Variants in CNNM1 observed in about 807,000 individuals in gnomAD.
The protein encoded by CNNM1 is metal transporter CNNM1.
CNNM1 carries 44 observed loss-of-function variants against 78.8 expected under a neutral mutation model. The ratio of observed to expected loss-of-function variants is 0.56; its 90% CI spans 0.44 to 0.72. The LOEUF (loss-of-function observed/expected upper bound fraction) is 0.72, where lower values mean the gene tolerates loss of function less well. CNNM1 is among the 30% of genes least tolerant of loss of function. CNNM1 has a pLI of 0.00. For missense variants in CNNM1, 1,101 were observed against 1,292.2 expected, an observed-to-expected ratio of 0.85 and a Z score of 2.27; for synonymous variants, 584 against 581.5, an observed-to-expected ratio of 1.00 and a Z score of -0.06.
Position 99,330,842 on chromosome 10 carries a change from C to T in CNNM1, c.1455C>T (p.Ala485=), listed in dbSNP as rs141409475. 6.2e-7 allele frequency: 1 copy of T among 1,614,182 alleles called. No homozygotes were observed. The change falls in exon 1 of 11, where the codon GCC becomes GCT. Residue 485 remains alanine (A), a synonymous_variant. Coordinates refer to ENST00000356713, the MANE Select transcript of CNNM1 (RefSeq NM_020348.3). Reference sequence around the variant, plus strand: ...ACATTTTATTTGTCAAGGACTTGGCCTTCGTGGACCCCGACGACTGCACCC... The same window carrying T: ...ACATTTTATTTGTCAAGGACTTGGCTTTCGTGGACCCCGACGACTGCACCC... ...IVDILFVKDL[A]FVDPDDCTPL... is the part of the protein sequence containing the mutation.
chr10:99,371,621 G>T (rs574142246), intron 6 of CNNM1, among the ~76,000 whole-genome samples: 1 of 152,238 alleles, frequency 6.6e-6, no homozygotes, highest in Non-Finnish European at 1.5e-5. Context: ...GCAAAATGTG[G>T]TAAGTGGAAA....
intron 1 of CNNM1, among the ~76,000 whole-genome samples, chr10:99,345,077 C>G (rs1375606918): frequency 6.6e-6 from 1 of 152,218 alleles, no homozygotes; most frequent in Non-Finnish European, 1.5e-5. Flanking sequence ...GGGGTTGTTC[C>G]TGGCTCCATC....
intron 6 of CNNM1, among the ~76,000 whole-genome samples, chr10:99,371,239 C>T (rs765963011): frequency 6.6e-5 from 10 of 152,128 alleles, no homozygotes; most frequent in Non-Finnish European, 1.2e-4. Flanking sequence ...TCTATTTGAG[C>T]CTTAGTTTGA....
chr10:99,329,868 C>A lies in CNNM1; in HGVS notation c.481C>A (p.Gln161Lys). The change falls in exon 1 of 11, where the codon CAG becomes AAG. Residue 161 changes from glutamine (Q) to lysine (K), a missense_variant. Physicochemically the swap from Gln to Lys is moderately conservative, Grantham distance 53. Around this residue, in one of 3 missense-constraint regions of CNNM1, gnomAD observed 476 missense variants for 484.5 expected, o/e 0.98. Coordinates refer to ENST00000356713, the MANE Select transcript of CNNM1 (RefSeq NM_020348.3). ...GGGCGTGGCAGGCTCGGCCCTGGTC[C>A]AGGTGCGAGTGCGGGAGCTGCGCAA... ...PGGVAGSALV[Q>K]VRVRELRKGE... 7.1e-7 allele frequency: 1 copy of A among 1,400,422 alleles called. No homozygotes were observed. The highest frequency in any genetic ancestry group is 1.6e-5 in the South Asian group (1 of 61,902). The allele number at this position is 1,400,422 out of a possible 1,614,324, so 86.7% of individuals were successfully genotyped here.
Position 99,392,637 on chromosome 10 carries a change from T to C in CNNM1, c.*1121T>C, listed in dbSNP as rs1428505935. ...GTTGGGGCAGGTGCAATTCCAAGCA[T>C]AACCACCAGATGGCAGAGTGACCGC... On this transcript the variant is annotated 3_prime_UTR_variant, in exon 11 of 11. Coordinates refer to ENST00000356713, the MANE Select transcript of CNNM1 (RefSeq NM_020348.3). The C allele has an allele frequency of 6.6e-6, 1 of 152,256 alleles. No individual in the cohort carries two copies. The highest frequency in any genetic ancestry group is 1.5e-5 in the Non-Finnish European group (1 of 68,078). 9.4% of individuals were successfully genotyped at this position (152,256 alleles called of 1,614,324 possible).
At chr10:99,350,340 A>G (rs931312131) in intron 1 of CNNM1, among the ~76,000 whole-genome samples, 2 of 152,226 alleles carry the variant, frequency 1.3e-5, no homozygotes, top group African/African-American at 4.8e-5. Context: ...TTAGTTCTCT[A>G]TTTCCAAGCA....
At chr10:99,380,530 C>G (rs537748325) in intron 7 of CNNM1, among the ~76,000 whole-genome samples, 1 of 152,136 alleles carries the variant, frequency 6.6e-6, no homozygotes, top group Non-Finnish European at 1.5e-5. Flanking sequence ...GTGGCTCACA[C>G]CTGTAATCCC....
intron 7 of CNNM1, among the ~76,000 whole-genome samples, chr10:99,383,889 G>A (rs751234127): frequency 3.3e-5 from 5 of 152,180 alleles, no homozygotes. Context: ...GTTACATGTG[G>A]CTGTTGAATG....
At chr10:99,351,742 G>A (rs540689064) in intron 1 of CNNM1, among the ~76,000 whole-genome samples, 4 of 152,190 alleles carry the variant, frequency 2.6e-5, no homozygotes, top group South Asian at 4.2e-4. Context: ...GTGGCAGACC[G>A]TTTTTACTCT....
intron 7 of CNNM1, among the ~76,000 whole-genome samples, chr10:99,377,850 A>G (rs2032022583): frequency 6.6e-6 from 1 of 152,070 alleles, no homozygotes; most frequent in African/African-American, 2.4e-5. Flanking sequence ...CAAAAGGCTC[A>G]TGGCCTCATA....
intron 6 of CNNM1, among the ~76,000 whole-genome samples, chr10:99,369,637 T>C (rs568372277): frequency 1.5e-4 from 23 of 152,286 alleles, no homozygotes; most frequent in African/African-American, 5.3e-4. Context: ...TCAAAAACCA[T>C]CTGGTCCTCA....
intron 10 of CNNM1, among the ~76,000 whole-genome samples, chr10:99,390,878 A>T (rs189797535): frequency 1.3e-5 from 2 of 152,374 alleles, no homozygotes; most frequent in Admixed American, 1.3e-4. Flanking sequence ...TGGTGGAGAG[A>T]ACAAGGTGAA....
intron 7 of CNNM1, among the ~76,000 whole-genome samples, chr10:99,385,877 T>G (rs541522330): frequency 6.6e-6 from 1 of 152,224 alleles, no homozygotes; most frequent in Admixed American, 6.5e-5. Flanking sequence ...AAGCCAAATC[T>G]AAATAACTAA....
rs1168098062 is a variant in CNNM1, at chr10:99,391,969, TG to T, written c.*455del. 6.3e-6 allele frequency: 1 copy of T among 158,592 alleles called. No individual in the cohort carries two copies. The highest frequency in any genetic ancestry group is 1.4e-5 in the Non-Finnish European group (1 of 71,562). 9.8% of individuals were successfully genotyped at this position (158,592 alleles called of 1,614,324 possible). On this transcript the variant is annotated 3_prime_UTR_variant, in exon 11 of 11. Coordinates refer to ENST00000356713, the MANE Select transcript of CNNM1 (RefSeq NM_020348.3). Reference sequence around the variant, plus strand: ...CATAGCTTGGCTCAGAAGGTGCCATTGGCAGACAGGCACATGGGAGGCTGGA... The same window carrying T: ...CATAGCTTGGCTCAGAAGGTGCCATTGCAGACAGGCACATGGGAGGCTGGA...
intron 7 of CNNM1, among the ~76,000 whole-genome samples, chr10:99,381,763 CA>C (rs1040315152): frequency 3.8e-5 from 5 of 133,080 alleles, no homozygotes; most frequent in Admixed American, 1.4e-4. Context: ...AACCAAAAAA[CA>C]AAAAAAAAAC....
rs184838665 is a variant in CNNM1, at chr10:99,377,994, C to T, written c.2340+776C>T. Among the ~76,000 whole-genome samples the T allele has an allele frequency of 9.0e-3, 1,281 of 142,018 alleles. 30 individuals carry two copies. Among genetic ancestry groups the T allele is most frequent in the African/African-American group, 0.031 (1,192 of 38,146 alleles). 93.2% of individuals were successfully genotyped at this position (142,018 alleles called of 152,430 possible). ...TTTTTTTTTTTTTGAGACAGAATCTCGCTCTGTTGCCCAGGCTGGAGTGCA... is the reference window on the plus strand; with the variant it reads ...TTTTTTTTTTTTTGAGACAGAATCTTGCTCTGTTGCCCAGGCTGGAGTGCA... On this transcript the variant is annotated intron_variant, in intron 7 of 10. Transcript: ENST00000356713.
At chr10:99,385,362 C>T (rs143575366) in intron 7 of CNNM1, among the ~76,000 whole-genome samples, 2 of 152,292 alleles carry the variant, frequency 1.3e-5, no homozygotes, top group African/African-American at 4.8e-5. Flanking sequence ...CTTCCTTCCC[C>T]TACTTTCCCT....
intron 4 of CNNM1, among the ~76,000 whole-genome samples, chr10:99,364,125 G>T (rs2031529648): frequency 6.6e-6 from 1 of 152,122 alleles, no homozygotes; most frequent in Non-Finnish European, 1.5e-5. Flanking sequence ...TGGATTAGCT[G>T]GTGCTTAGGC....
intron 3 of CNNM1, 129 bp downstream of exon 3, chr10:99,361,104 AAGGAGGTTGCCTTAGAC>A (rs1481510816): frequency 1.9e-6 from 2 of 1,066,954 alleles, no homozygotes; most frequent in Non-Finnish European, 2.6e-6. Flanking sequence ...CTGTTCTAGG[AAGGAGGTTGCCTTAGAC>A]AGGGTAATGG....
Sources: allele counts gnomAD v4.1 joint callset (sites outside exome capture counted in the v4.1 genomes callset), GRCh38; gene constraint gnomAD v4.1.1; regional missense constraint gnomAD v4.1.1; transcripts MANE v1.5; gene names NCBI Gene and HGNC (gene_info 2026-07-23, HGNC 2026-07-21).